The following HYLS1 variants were observed in gnomAD, a reference collection of about 807,000 sequenced individuals.
The protein encoded by HYLS1 is centriolar and ciliogenesis-associated protein HYLS1.
A neutral mutation model predicts 29.4 loss-of-function variants in HYLS1; 25 were observed. The observed-to-expected ratio is 0.85, with a 90% CI of 0.62 to 1.19. The LOEUF (loss-of-function observed/expected upper bound fraction) is 1.19, where lower values mean the gene tolerates loss of function less well. Ranked by LOEUF, HYLS1 falls within the 50% of genes most tolerant of loss-of-function variation. HYLS1 has a pLI of 0.00. For synonymous variants in HYLS1, 128 were observed against 126.7 expected (o/e 1.01, Z -0.07); for missense variants, 352 against 365.1 (o/e 0.96, Z 0.29).
intron 2 of HYLS1, chr11:125,894,382 G>A: frequency 1.0e-6 from 1 of 961,906 alleles, no homozygotes; most frequent in Non-Finnish European, 1.6e-6. Context: ...GAGCCGGGTA[G>A]GGCGCCACCA....
rs777216787 is a variant in HYLS1, at chr11:125,900,190, A to G, written c.822A>G (p.Ala274=). ...YLVPTEKKRS[A]LRWGVRCDLA... is the part of the protein sequence containing the mutation. Reference sequence around the variant, plus strand: ...TACCAACAGAGAAGAAAAGGTCTGCACTCCGTTGGGGTGTTCGTTGTGACC... The same window carrying G: ...TACCAACAGAGAAGAAAAGGTCTGCGCTCCGTTGGGGTGTTCGTTGTGACC... The change falls in exon 3 of 3, where the codon GCA becomes GCG. Residue 274 remains alanine (A), a synonymous_variant. Transcript: ENST00000425380. The G allele has an allele frequency of 2.6e-5, 42 of 1,614,012 alleles. No homozygotes were observed. Among genetic ancestry groups the G allele is most frequent in the Non-Finnish European group, 3.5e-5 (41 of 1,180,024 alleles).
At chr11:125,891,294 C>T (rs60870340) in intron 1 of HYLS1, 129 bp from the exon 2 acceptor site, 1 of 152,210 alleles carries the variant, frequency 6.6e-6, no homozygotes, top group South Asian at 2.1e-4. Flanking sequence ...TACTTAAGAT[C>T]TAAGACCCTG....
At chr11:125,893,917 G>A in intron 2 of HYLS1, 2 of 1,614,084 alleles carry the variant, frequency 1.2e-6, no homozygotes, top group African/African-American at 1.3e-5. Flanking sequence ...ATAAATGTGG[G>A]TGCTCAATTC....
upstream of HYLS1, among the ~76,000 whole-genome samples, chr11:125,885,961 C>G (rs1944298269): frequency 6.6e-6 from 1 of 152,156 alleles, no homozygotes; most frequent in South Asian, 2.1e-4. Context: ...TGCAGAAAAA[C>G]AAGCTCAGGG....
upstream of HYLS1, among the ~76,000 whole-genome samples, chr11:125,884,712 T>C (rs1215595237): frequency 1.3e-5 from 2 of 152,240 alleles, no homozygotes; most frequent in Admixed American, 1.3e-4. Context: ...ATACTCAGTA[T>C]TTGCTTCAAA....
rs374489253 is a variant in HYLS1 at position 125,899,915 on chromosome 11, G to A, written c.547G>A (p.Glu183Lys). The A allele has an allele frequency of 1.9e-5, 31 of 1,614,016 alleles. No homozygotes were observed. The highest frequency in any genetic ancestry group is 8.3e-5 in the Admixed American group (5 of 60,002). Residue 183 changes from glutamate (E) to lysine (K), a missense_variant, in exon 3 of 3, where the codon GAA (glutamate) becomes AAA (lysine). By Grantham distance (56) the Glu-to-Lys change is moderately conservative. Transcript: ENST00000425380. The part of the protein sequence containing the change: ...QREGMGSPAY[E>K]QDLIVASRPK... ...AGAAGGAATGGGCTCTCCAGCTTAC[G>A]AACAAGACCTGATTGTTGCCAGCAG...
At chr11:125,894,458 T>TA (rs902423150) in intron 2 of HYLS1, among the ~76,000 whole-genome samples, 2 of 152,174 alleles carry the variant, frequency 1.3e-5, no homozygotes, top group African/African-American at 4.8e-5. Context: ...ACACCTTTAT[T>TA]ACAATAATGA....
chr11:125,896,353 C>T (rs1944591621), intron 2 of HYLS1: 2 of 1,401,520 alleles, frequency 1.4e-6, no homozygotes, highest in Non-Finnish European at 2.0e-6. Flanking sequence ...CAAAGGGATA[C>T]AACAGTTTCA....
chr11:125,899,965 G>A lies in HYLS1; in HGVS notation c.597G>A (p.Lys199=), dbSNP rs1222550831. The A allele has an allele frequency of 1.2e-6, 2 of 1,614,072 alleles. No homozygotes were observed. The highest frequency in any genetic ancestry group is 1.7e-6 in the Non-Finnish European group (2 of 1,180,048). Residue 199 remains lysine (K), a synonymous_variant, in exon 3 of 3, where the codon AAG becomes AAA. Transcript: ENST00000425380. ...GACCCAAGTCCTTTATTCTCCCAAA[G>A]CTGGACCAGTTAAGCCGAAACCGGG... is the stretch of plus-strand genomic sequence containing the variant. ...ASRPKSFILP[K]LDQLSRNRGK...
chr11:125,897,521 G>GT (rs1944623879), intron 2 of HYLS1, among the ~76,000 whole-genome samples: 1 of 35,418 alleles, frequency 2.8e-5, no homozygotes, highest in African/African-American at 6.4e-5. Context: ...TAATGAAAAA[G>GT]TAAAAAAAAA....
chr11:125,897,621 T>A (rs999047261), intron 2 of HYLS1, among the ~76,000 whole-genome samples: 1 of 151,904 alleles, frequency 6.6e-6, no homozygotes, highest in Non-Finnish European at 1.5e-5. Context: ...TAAAAAAAAT[T>A]TTAAATGCTC....
At position 125,900,388 on chromosome 11, in the gene HYLS1, C is replaced by T; in HGVS notation, c.*120C>T. On this transcript the variant is annotated 3_prime_UTR_variant, in exon 3 of 3. Transcript: ENST00000425380. ...GAAACATTTTATGGTAAGGACTTCA[C>T]CTATCATTGGTCTTTCCTAGCTATA... 1.1e-6 allele frequency: 1 copy of T among 923,032 alleles called. No individual in the cohort carries two copies. Among genetic ancestry groups the T allele is most frequent in the Non-Finnish European group, 1.7e-6 (1 of 584,708 alleles). The allele number at this position is 923,032 out of a possible 1,614,324, so 57.2% of individuals were successfully genotyped here. A position where few individuals can be genotyped will look rare whatever the true frequency, so the allele number is the denominator to read the frequency against.
At chr11:125,888,167 G>A (rs959524623) in intron 1 of HYLS1, 1 of 152,304 alleles carries the variant, frequency 6.6e-6, no homozygotes, top group Admixed American at 6.5e-5. Flanking sequence ...CGGCCAGGCG[G>A]GGCGACTGCG....
At chr11:125,891,597 A>G (rs1944410510) in intron 2 of HYLS1, 125 bp downstream of exon 2, 1 of 152,094 alleles carries the variant, frequency 6.6e-6, no homozygotes, top group Non-Finnish European at 1.5e-5. Flanking sequence ...CAAAGTAATT[A>G]TATTTTAAGA....
At position 125,900,476 on chromosome 11, in the gene HYLS1, A is replaced by G. The variant is rs1944738275; in HGVS notation, c.*208A>G. 1.8e-6 allele frequency: 1 copy of G among 566,506 alleles called. No homozygotes were observed. Among genetic ancestry groups the G allele is most frequent in the Non-Finnish European group, 3.2e-6 (1 of 310,368 alleles). The allele number at this position is 566,506 out of a possible 1,614,324, so 35.1% of individuals were successfully genotyped here. A position where few individuals can be genotyped will look rare whatever the true frequency, so the allele number is the denominator to read the frequency against. Reference sequence around the variant, plus strand: ...CTCAAATCCAGCAATTGCAAGATAAATCATATCAGAGAAAGAACAACAGAC... The same window carrying G: ...CTCAAATCCAGCAATTGCAAGATAAGTCATATCAGAGAAAGAACAACAGAC... On this transcript the variant is annotated 3_prime_UTR_variant, in exon 3 of 3. Coordinates refer to ENST00000425380, the MANE Select transcript of HYLS1 (RefSeq NM_001134793.2).
At chr11:125,893,667 TTTTTC>T (rs1591497483) in intron 2 of HYLS1, 2 of 823,748 alleles carry the variant, frequency 2.4e-6, no homozygotes, top group Non-Finnish European at 1.7e-6. Flanking sequence ...TTTGCTTTTT[TTTTTC>T]TTTTAAGAGC....
intron 2 of HYLS1, chr11:125,895,396 A>T: frequency 1.2e-6 from 2 of 1,614,130 alleles, no homozygotes; most frequent in Non-Finnish European, 1.7e-6. Flanking sequence ...GGTTCTTGCC[A>T]TCTCCCCTCA....
Position 125,891,483 on chromosome 11 carries a change from GAAAAAAAA to G in HYLS1, c.-26+21_-26+28del, listed in dbSNP as rs11382127. The G allele has an allele frequency of 5.6e-5, 6 of 107,274 alleles. No homozygotes were observed. The highest frequency in any genetic ancestry group is 2.1e-4 in the African/African-American group (6 of 28,296). The allele number at this position is 107,274 out of a possible 1,614,324, so 6.6% of individuals were successfully genotyped here. ...ATACATTGAAATAAGGTAAGAAATT[GAAAAAAAA>G]AAAAAAAAACCTTGGTTTGCACTTA... On this transcript the variant is annotated intron_variant, in intron 2 of 2. Coordinates refer to ENST00000425380, the MANE Select transcript of HYLS1 (RefSeq NM_001134793.2).
At chr11:125,893,874 A>G in intron 2 of HYLS1, 1 of 1,614,120 alleles carries the variant, frequency 6.2e-7, no homozygotes, top group South Asian at 1.1e-5. Context: ...GTGTCATTAC[A>G]GTCCCTTTTG....
Sources: allele counts gnomAD v4.1 joint callset (sites outside exome capture counted in the v4.1 genomes callset), GRCh38; gene constraint gnomAD v4.1.1; transcripts MANE v1.5; gene names NCBI Gene and HGNC (gene_info 2026-07-23, HGNC 2026-07-21).